Variants in NEDD4 observed in about 807,000 individuals in gnomAD.
NEDD4 encodes NEDD4 E3 ubiquitin protein ligase.
In NEDD4, 99 loss-of-function variants were observed where a neutral mutation model predicts 144.9. That is an observed-to-expected ratio of 0.68 (90% CI 0.58 to 0.81). The LOEUF (loss-of-function observed/expected upper bound fraction) is 0.81. NEDD4 is among the 30% of genes least tolerant of loss of function. The probability of loss-of-function intolerance (pLI) is 0.00; values close to 1 mark genes in which losing one functional copy is unlikely to be tolerated. For synonymous variants in NEDD4, 318 were observed against 350.6 expected (o/e 0.91, Z 1.04); for missense variants, 985 against 1,065.9 (o/e 0.92, Z 1.06).
chr15:55,842,788 T>C (rs574597856), intron 18 of NEDD4, among the ~76,000 whole-genome samples: 1 of 152,374 alleles, frequency 6.6e-6, no homozygotes. Context: ...GGATAGCCAC[T>C]GCCTGCTAGC....
At chr15:55,955,814 A>AG (rs371016990) in intron 2 of NEDD4, among the ~76,000 whole-genome samples, 12 of 130,262 alleles carry the variant, frequency 9.2e-5, no homozygotes, top group African/African-American at 2.6e-4. Context: ...TCTATACTAC[A>AG]TTTTTTTTTT....
At chr15:55,918,000 C>CT (rs1335174198) in intron 5 of NEDD4, among the ~76,000 whole-genome samples, 2 of 152,154 alleles carry the variant, frequency 1.3e-5, no homozygotes, top group African/African-American at 2.4e-5. Context: ...CTGAAAAACT[C>CT]TAAGAGCTCT....
intron 1 of NEDD4, among the ~76,000 whole-genome samples, chr15:55,969,050 T>TCAA (rs2037564356): frequency 1.3e-5 from 2 of 152,174 alleles, no homozygotes; most frequent in South Asian, 4.1e-4. Context: ...AAAGACAGTC[T>TCAA]TGAATTGCCC....
intron 1 of NEDD4, among the ~76,000 whole-genome samples, chr15:55,985,785 A>ACAC (rs1408265236): frequency 6.6e-6 from 1 of 151,888 alleles, no homozygotes; most frequent in East Asian, 1.9e-4. Flanking sequence ...ACACACACAC[A>ACAC]CACGCTTAAC....
At chr15:55,845,919 G>A (rs1443095269) in intron 18 of NEDD4, among the ~76,000 whole-genome samples, 6 of 151,320 alleles carry the variant, frequency 4.0e-5, no homozygotes, top group Non-Finnish European at 5.9e-5. Context: ...CGGAGTAGCC[G>A]GGATTAAAGG....
chr15:55,927,380 A>G (rs1302638715), intron 4 of NEDD4, among the ~76,000 whole-genome samples: 3 of 152,012 alleles, frequency 2.0e-5, no homozygotes, highest in Non-Finnish European at 4.4e-5. Flanking sequence ...GTGCGATCAC[A>G]GCTCAGTGCA....
chr15:55,856,327 G>A, intron 11 of NEDD4, 131 bp from the exon 12 acceptor site: 1 of 751,788 alleles, frequency 1.3e-6, no homozygotes, highest in Non-Finnish European at 2.2e-6. Flanking sequence ...AATGTTGAGA[G>A]TGCAGGCTGA....
chr15:55,914,710 G>A (rs189930374), intron 5 of NEDD4, among the ~76,000 whole-genome samples: 2 of 151,940 alleles, frequency 1.3e-5, no homozygotes, highest in East Asian at 1.9e-4. Flanking sequence ...TAAACATGCA[G>A]CATAATAGTT....
rs2032761935 is a variant in NEDD4, at chr15:55,827,784, C to T, written c.*2113G>A. 1 of 95,326 alleles carries T rather than the reference C, an allele frequency of 1.0e-5. No homozygotes were observed. Among genetic ancestry groups the T allele is most frequent in the Admixed American group, 9.6e-5 (1 of 10,396 alleles). The allele number at this position is 95,326 out of a possible 1,614,324, so 5.9% of individuals were successfully genotyped here. A position where few individuals can be genotyped will look rare whatever the true frequency, so the allele number is the denominator to read the frequency against. Reference sequence around the variant, plus strand: ...CTACTTCCTTGTCTCTTAGAAGTCACTTTACTTTTAAATGATTCTTTGGGA... The same window carrying T: ...CTACTTCCTTGTCTCTTAGAAGTCATTTTACTTTTAAATGATTCTTTGGGA... On this transcript the variant is annotated 3_prime_UTR_variant, in exon 29 of 29. Transcript: ENST00000435532.
At chr15:55,911,182 T>C (rs1364948862) in intron 5 of NEDD4, among the ~76,000 whole-genome samples, 1 of 152,166 alleles carries the variant, frequency 6.6e-6, no homozygotes, top group African/African-American at 2.4e-5. Flanking sequence ...CATCTGGCAA[T>C]GTCTGGGGAC....
chr15:55,988,215 A>G (rs1428108180), intron 1 of NEDD4, among the ~76,000 whole-genome samples: 2 of 133,770 alleles, frequency 1.5e-5, no homozygotes, highest in Admixed American at 7.7e-5. Context: ...TCAGTAAACT[A>G]TCGCAAGAAC....
At chr15:55,905,367 G>A (rs1201676168) in intron 5 of NEDD4, 5 of 437,118 alleles carry the variant, frequency 1.1e-5, no homozygotes, top group South Asian at 6.6e-5. Flanking sequence ...CAATTGGGGG[G>A]TTTCCCAACA....
intron 4 of NEDD4, among the ~76,000 whole-genome samples, chr15:55,935,334 A>T (rs1395034841): frequency 6.6e-6 from 1 of 152,134 alleles, no homozygotes; most frequent in Non-Finnish European, 1.5e-5. Flanking sequence ...TTCCTAGCTA[A>T]AAGAATTATA....
chr15:55,870,969 T>G (rs2034772781), intron 7 of NEDD4, among the ~76,000 whole-genome samples: 1 of 152,186 alleles, frequency 6.6e-6, no homozygotes, highest in Non-Finnish European at 1.5e-5. Flanking sequence ...CAATTACCCT[T>G]TGTCTTTCTA....
chr15:55,840,488 T>A lies in NEDD4; in HGVS notation c.1990A>T (p.Met664Leu). ...GFFIRPFYKM[M>L]LHKPITLHDM... is the part of the protein sequence containing the mutation. ...TGAAGGGTTATTGGTTTGTGAAGCA[T>A]CATCTTGTAAAATGGGCGGATGAAA... Residue 664 changes from methionine to leucine, a missense_variant, in exon 21 of 29, where the codon ATG becomes TTG. Met to Leu is a conservative substitution (Grantham distance 15, BLOSUM62 2). Transcript: ENST00000435532. 3 of 1,613,992 alleles carry A rather than the reference T, an allele frequency of 1.9e-6. No homozygotes were observed. Among genetic ancestry groups the A allele is most frequent in the Non-Finnish European group, 2.5e-6 (3 of 1,179,966 alleles).
chr15:55,959,260 T>G (rs1169867255), intron 2 of NEDD4, among the ~76,000 whole-genome samples: 1 of 152,204 alleles, frequency 6.6e-6, no homozygotes, highest in Non-Finnish European at 1.5e-5. Context: ...CTTTGACATA[T>G]AGATTATTTA....
At chr15:55,926,884 TG>T (rs557925140) in intron 4 of NEDD4, among the ~76,000 whole-genome samples, 178 of 152,034 alleles carry the variant, frequency 1.2e-3, no homozygotes, top group Non-Finnish European at 1.1e-3. Context: ...GAAACCAGCC[TG>T]GCCAACAGGG....
chr15:55,917,108 C>G, intron 5 of NEDD4: 3 of 1,173,856 alleles, frequency 2.6e-6, no homozygotes, highest in Non-Finnish European at 3.2e-6. Flanking sequence ...TTCCAGCGAC[C>G]TTTAAGCTGA....
At chr15:55,963,166 C>A (rs2037454400) in intron 2 of NEDD4, among the ~76,000 whole-genome samples, 1 of 148,250 alleles carries the variant, frequency 6.7e-6, no homozygotes, top group African/African-American at 2.5e-5. Flanking sequence ...GGGTCTCACT[C>A]TGTCGCCTAG....
Sources: gnomAD v4.1 joint callset for allele counts (sites outside exome capture counted in the v4.1 genomes callset) on GRCh38, gnomAD v4.1.1 for gene constraint, MANE v1.5 for transcripts, NCBI Gene and HGNC (gene_info 2026-07-23, HGNC 2026-07-21) for gene names.